Variants in CFAP90 observed in about 807,000 individuals in gnomAD.
CFAP90 encodes the protein cilia and flagella associated protein 90.
the CFAP90 span, among the ~76,000 whole-genome samples, chr5:7,841,844 G>A: frequency 1.3e-5 from 2 of 152,320 alleles, no homozygotes. Context: ...GACGTGGGAA[G>A]AGAGAGAAGA....
the CFAP90 span, among the ~76,000 whole-genome samples, chr5:7,842,473 G>C: frequency 0.31 from 46,786 of 151,508 alleles, 7,725 homozygotes; most frequent in Admixed American, 0.45. Flanking sequence ...GAATGTGGGT[G>C]ACTCCAGTAA....
At chr5:7,839,351 C>G in the CFAP90 span, among the ~76,000 whole-genome samples, 1 of 152,178 alleles carries the variant, frequency 6.6e-6, no homozygotes, top group Non-Finnish European at 1.5e-5. Context: ...GAAAATAGAT[C>G]CTCCAGTGGC....
the CFAP90 span, among the ~76,000 whole-genome samples, chr5:7,848,056 A>G: frequency 6.6e-6 from 1 of 152,234 alleles, no homozygotes; most frequent in Non-Finnish European, 1.5e-5. Flanking sequence ...GCGGTGCATT[A>G]CTGCTATGCA....
At chr5:7,850,386 C>G in the CFAP90 span, among the ~76,000 whole-genome samples, 1 of 151,836 alleles carries the variant, frequency 6.6e-6, no homozygotes, top group African/African-American at 2.4e-5. Context: ...GTGCGCTCCT[C>G]CTCTAGGGCC....
chr5:7,850,932 G>T, the CFAP90 span: 1 of 1,355,884 alleles, frequency 7.4e-7, no homozygotes, highest in Non-Finnish European at 9.5e-7. Context: ...GCGGCGGGAT[G>T]TAGCTGAAGG....
At chr5:7,841,589 T>C in the CFAP90 span, among the ~76,000 whole-genome samples, 1 of 152,170 alleles carries the variant, frequency 6.6e-6, no homozygotes, top group South Asian at 2.1e-4. Context: ...TGCCCATCAA[T>C]GATAGACTGG....
At chr5:7,836,360 G>A in the CFAP90 span, among the ~76,000 whole-genome samples, 3 of 152,118 alleles carry the variant, frequency 2.0e-5, no homozygotes, top group Admixed American at 1.3e-4. Context: ...CCTTTAAGTC[G>A]CTAGTGCAGG....
chr5:7,838,432 A>G, the CFAP90 span, among the ~76,000 whole-genome samples: 1 of 152,248 alleles, frequency 6.6e-6, no homozygotes, highest in Admixed American at 6.5e-5. Context: ...TGGCCTGCAG[A>G]GGCTAAGCAA....
At chr5:7,840,679 C>T in the CFAP90 span, among the ~76,000 whole-genome samples, 1 of 152,160 alleles carries the variant, frequency 6.6e-6, no homozygotes, top group African/African-American at 2.4e-5. Context: ...TTGTGTCCTC[C>T]AAGCATTCAC....
chr5:7,835,416 T>C, the CFAP90 span: 4 of 1,605,166 alleles, frequency 2.5e-6, no homozygotes, highest in African/African-American at 1.3e-5. Context: ...GCTTTTTGCA[T>C]GTTCTCTGTC....
chr5:7,832,091 T>C, the CFAP90 span: 1 of 1,519,688 alleles, frequency 6.6e-7, no homozygotes, highest in Non-Finnish European at 9.0e-7. Flanking sequence ...AGCTCACCCG[T>C]GCATCCATCA....
At chr5:7,834,837 G>A in the CFAP90 span, among the ~76,000 whole-genome samples, 1 of 151,978 alleles carries the variant, frequency 6.6e-6, no homozygotes, top group Non-Finnish European at 1.5e-5. Flanking sequence ...TGTCATCTAG[G>A]TTTGTGTTAA....
chr5:7,848,481 A>T, the CFAP90 span, among the ~76,000 whole-genome samples: 8 of 152,202 alleles, frequency 5.3e-5, no homozygotes, highest in Non-Finnish European at 1.0e-4. Context: ...TGGCTTAACC[A>T]ACAGAATTCA....
chr5:7,846,171 G>A, the CFAP90 span, among the ~76,000 whole-genome samples: 1 of 152,142 alleles, frequency 6.6e-6, no homozygotes, highest in Non-Finnish European at 1.5e-5. Flanking sequence ...GGTGGGTAGA[G>A]TGAAACAGTG....
At chr5:7,850,770 G>A in the CFAP90 span, 2 of 934,104 alleles carry the variant, frequency 2.1e-6, no homozygotes. Flanking sequence ...CCGCCCCTCC[G>A]CGGCCGCCCG....
chr5:7,830,711 T>C, the CFAP90 span: 1 of 152,236 alleles, frequency 6.6e-6, no homozygotes, highest in African/African-American at 2.4e-5. Context: ...AAACCAGTGA[T>C]GGAGCGATCA....
chr5:7,837,914 C>T, the CFAP90 span, among the ~76,000 whole-genome samples: 2 of 152,224 alleles, frequency 1.3e-5, no homozygotes, highest in Admixed American at 1.3e-4. Context: ...GCTGTGGCTT[C>T]TGCCTCTGTG....
the CFAP90 span, among the ~76,000 whole-genome samples, chr5:7,847,835 C>A: frequency 6.6e-6 from 1 of 152,308 alleles, no homozygotes; most frequent in Admixed American, 6.5e-5. Flanking sequence ...AATTTCACCG[C>A]CTTTCCCTAG....
At chr5:7,831,326 G>C in the CFAP90 span, 1 of 153,002 alleles carries the variant, frequency 6.5e-6, no homozygotes, top group Admixed American at 6.5e-5. Context: ...AGTTTCTAGA[G>C]TTCAATTGTG....
Sources: gnomAD v4.1 joint callset for allele counts (sites outside exome capture counted in the v4.1 genomes callset) on GRCh38, gnomAD v4.1.1 for gene constraint, MANE v1.5 for transcripts, NCBI Gene and HGNC (gene_info 2026-07-23, HGNC 2026-07-21) for gene names.